Variants in PRIMA1 observed in about 807,000 individuals in gnomAD.
PRIMA1 encodes proline-rich membrane anchor 1.
A neutral mutation model predicts 17.5 loss-of-function variants in PRIMA1; 7 were observed. That is an observed-to-expected ratio of 0.40 (90% CI 0.23 to 0.75). The LOEUF (loss-of-function observed/expected upper bound fraction) is 0.75. Among genes scored for constraint, PRIMA1 ranks in the 30% least tolerant of loss-of-function variants. The pLI is 0.37. For missense variants in PRIMA1, 200 were observed against 201.8 expected, an observed-to-expected ratio of 0.99 and a Z score of 0.05; for synonymous variants, 97 against 77.9, an observed-to-expected ratio of 1.25 and a Z score of -1.29.
chr14:93,779,105 C>T (rs1885305409), intron 3 of PRIMA1, 71 bp downstream of exon 3: 13 of 1,157,012 alleles, frequency 1.1e-5, no homozygotes, highest in Non-Finnish European at 1.5e-5. Context: ...CCCTCGGCCA[C>T]ACTCAGTGGA....
At chr14:93,764,715 G>A (rs1248998017) in intron 3 of PRIMA1, among the ~76,000 whole-genome samples, 1 of 152,208 alleles carries the variant, frequency 6.6e-6, no homozygotes, top group Non-Finnish European at 1.5e-5. Context: ...TTGAGTGGGA[G>A]AGAGAGGTGT....
chr14:93,734,276 C>CT (rs2076134301), intron 4 of PRIMA1, among the ~76,000 whole-genome samples: 1 of 152,196 alleles, frequency 6.6e-6, no homozygotes, highest in Non-Finnish European at 1.5e-5. Flanking sequence ...CCCTGTGCCC[C>CT]CGGGAGGCCG....
chr14:93,726,750 T>C lies in PRIMA1; in HGVS notation c.360-5204A>G, dbSNP rs936839297. Among the ~76,000 whole-genome samples the C allele has an allele frequency of 3.0e-4, 45 of 151,904 alleles. No individual in the cohort carries two copies. Among genetic ancestry groups the C allele is most frequent in the Non-Finnish European group, 5.1e-4 (35 of 68,000 alleles). On this transcript the variant is annotated intron_variant, in intron 4 of 4. Transcript: ENST00000393140. This position sits in a 1 kb window ranked among gnomAD's most constrained non-coding sequence, Gnocchi z 4.2. ...ACACATATATGTACACACAGGCACA[T>C]ACGCATAAATGTACAAATCCACACA...
At chr14:93,748,795 A>C (rs1435152851) in intron 3 of PRIMA1, among the ~76,000 whole-genome samples, 1 of 151,952 alleles carries the variant, frequency 6.6e-6, no homozygotes, top group Non-Finnish European at 1.5e-5. Flanking sequence ...TCGGCTCCTG[A>C]GGGGACATTA....
chr14:93,752,961 A>G (rs1448644067), intron 3 of PRIMA1, among the ~76,000 whole-genome samples: 1 of 152,142 alleles, frequency 6.6e-6, no homozygotes, highest in African/African-American at 2.4e-5. Context: ...GCACCATAGA[A>G]TGCCTCGCAG....
Position 93,753,952 on chromosome 14 carries a change from T to C in PRIMA1, c.230-16582A>G, listed in dbSNP as rs117495119. ...TCACGGGCACCGTTGCTTATGTTCA[T>C]GCAAAAGGCCACCCCTCTGGGCTGG... On this transcript the variant is annotated intron_variant, in intron 3 of 4. Coordinates refer to ENST00000393140, the MANE Select transcript of PRIMA1 (RefSeq NM_178013.4). Among the ~76,000 whole-genome samples, 1,506 of 152,338 alleles carry C rather than the reference T, an allele frequency of 9.9e-3. 11 individuals carry two copies. The highest frequency in any genetic ancestry group is 0.015 in the Non-Finnish European group (1,025 of 68,028).
rs933519096 is a variant in PRIMA1 at position 93,780,890 on chromosome 14, T to A, written c.94-1579A>T. 1.3e-4 allele frequency among the ~76,000 whole-genome samples: 20 copies of A among 152,184 alleles called. 1 individual carries two copies. The highest frequency in any genetic ancestry group is 4.6e-4 in the African/African-American group (19 of 41,454). ...CACCTCCTCGACAGCCACGGTTGAT[T>A]TCTCTGTCATCTCTGAGCCACTGGA... On this transcript the variant is annotated intron_variant, in intron 2 of 4. Coordinates refer to ENST00000393140, the MANE Select transcript of PRIMA1 (RefSeq NM_178013.4).
intron 3 of PRIMA1, among the ~76,000 whole-genome samples, chr14:93,751,083 C>T (rs2076256608): frequency 6.6e-6 from 1 of 152,250 alleles, no homozygotes; most frequent in South Asian, 2.1e-4. Flanking sequence ...CTGCTTCCCA[C>T]CTGCTGGCCG....
chr14:93,728,835 C>T (rs1006436521), intron 4 of PRIMA1, among the ~76,000 whole-genome samples: 23 of 152,138 alleles, frequency 1.5e-4, no homozygotes, highest in Admixed American at 1.1e-3. Flanking sequence ...CCAAGGATGC[C>T]GGCAGATGAA....
At chr14:93,747,555 A>T (rs1267716809) in intron 3 of PRIMA1, among the ~76,000 whole-genome samples, 1 of 150,112 alleles carries the variant, frequency 6.7e-6, no homozygotes, top group Non-Finnish European at 1.5e-5. Flanking sequence ...AGTGTGTGAG[A>T]GTGTGAGTGT....
intron 2 of PRIMA1, among the ~76,000 whole-genome samples, chr14:93,786,720 A>G (rs1885535471): frequency 1.3e-5 from 2 of 152,164 alleles, no homozygotes; most frequent in Admixed American, 6.5e-5. Context: ...AGTGATAAAC[A>G]GAGTACCTGG....
intron 3 of PRIMA1, among the ~76,000 whole-genome samples, chr14:93,759,491 G>A (rs774601240): frequency 3.9e-5 from 6 of 152,058 alleles, no homozygotes; most frequent in Non-Finnish European, 8.8e-5. Flanking sequence ...GTGTGTGCGC[G>A]TGCATGTGTG....
intron 3 of PRIMA1, among the ~76,000 whole-genome samples, chr14:93,777,791 C>CCGGAGGGT (rs1885263852): frequency 2.0e-5 from 3 of 152,026 alleles, no homozygotes; most frequent in Admixed American, 2.0e-4. Flanking sequence ...CCTGGGAGGG[C>CCGGAGGGT]TGAGATTCCA....
In PRIMA1 at chr14:93,721,159, A is replaced by G; in HGVS notation, c.*285T>C. 2.5e-6 allele frequency: 1 copy of G among 404,516 alleles called. No homozygotes were observed. Among genetic ancestry groups the G allele is most frequent in the South Asian group, 4.0e-5 (1 of 24,702 alleles). 25.1% of individuals were successfully genotyped at this position (404,516 alleles called of 1,614,324 possible). ...CATGCTTTAGACAGCAGCTGGGGGC[A>G]GTCGACAGACCAGACACCAGACAGG... is the stretch of plus-strand genomic sequence containing the variant. On this transcript the variant is annotated 3_prime_UTR_variant, in exon 5 of 5. Coordinates refer to ENST00000393140, the MANE Select transcript of PRIMA1 (RefSeq NM_178013.4).
At chr14:93,737,774 G>A (rs1249082254) in intron 3 of PRIMA1, among the ~76,000 whole-genome samples, 4 of 152,212 alleles carry the variant, frequency 2.6e-5, no homozygotes, top group South Asian at 2.1e-4. Flanking sequence ...GCCTCTGAGC[G>A]CCTCCATCCC....
chr14:93,725,568 C>T (rs374588279), intron 4 of PRIMA1, among the ~76,000 whole-genome samples: 7 of 152,160 alleles, frequency 4.6e-5, no homozygotes, highest in South Asian at 2.1e-4. Context: ...ATTTTCTGGC[C>T]GTGTGACTTC....
At position 93,788,477 on chromosome 14, in the gene PRIMA1, GCT is replaced by G. The variant is rs983683521; in HGVS notation, c.-101_-100del. On this transcript the variant is annotated 5_prime_UTR_variant, in exon 1 of 5. Coordinates refer to ENST00000393140, the MANE Select transcript of PRIMA1 (RefSeq NM_178013.4). Reference sequence around the variant, plus strand: ...AGAGGTCCGCGTTCCCCCCGCGGCAGCTCTGTTTCCCAGCAGCCGGACAGCCC... The same window carrying G: ...AGAGGTCCGCGTTCCCCCCGCGGCAGCTGTTTCCCAGCAGCCGGACAGCCC... 6.6e-6 allele frequency: 1 copy of G among 152,402 alleles called. No homozygotes were observed. The highest frequency in any genetic ancestry group is 1.9e-4 in the East Asian group (1 of 5,194). 9.4% of individuals were successfully genotyped at this position (152,402 alleles called of 1,614,324 possible).
chr14:93,761,976 G>C (rs1884739361), intron 3 of PRIMA1, among the ~76,000 whole-genome samples: 1 of 152,118 alleles, frequency 6.6e-6, no homozygotes, highest in Non-Finnish European at 1.5e-5. Context: ...GATTTCCTTA[G>C]GACACCCCTC....
At chr14:93,756,186 G>A (rs1211990315) in intron 3 of PRIMA1, among the ~76,000 whole-genome samples, 1 of 152,158 alleles carries the variant, frequency 6.6e-6, no homozygotes, top group Admixed American at 6.5e-5. Context: ...TTCCAGGTGT[G>A]AGCCACCTTG....
Sources: gnomAD v4.1 joint callset for allele counts (sites outside exome capture counted in the v4.1 genomes callset) on GRCh38, gnomAD v4.1.1 for gene constraint, Gnocchi (gnomAD v3.1) non-coding constraint, MANE v1.5 for transcripts, NCBI Gene and HGNC (gene_info 2026-07-23, HGNC 2026-07-21) for gene names.